The following TNRC6B variants were observed in gnomAD, a reference collection of about 807,000 sequenced individuals.
TNRC6B encodes the protein trinucleotide repeat-containing gene 6B protein.
In TNRC6B, 52 loss-of-function variants were observed where a neutral mutation model predicts 203.6. The ratio of observed to expected loss-of-function variants is 0.26; its 90% CI spans 0.20 to 0.32. The LOEUF (loss-of-function observed/expected upper bound fraction) is 0.32, where lower values mean the gene tolerates loss of function less well. Ranked by LOEUF, TNRC6B falls within the 10% of genes least tolerant of loss-of-function variation. The probability of loss-of-function intolerance (pLI) is 1.00; values close to 1 mark genes in which losing one functional copy is unlikely to be tolerated. For missense variants in TNRC6B, 1,923 were observed against 2,286.2 expected, an observed-to-expected ratio of 0.84 and a Z score of 3.24; for synonymous variants, 838 against 845.7, an observed-to-expected ratio of 0.99 and a Z score of 0.16.
intron 3 of TNRC6B, among the ~76,000 whole-genome samples, chr22:40,252,418 G>A (rs187904102): frequency 6.6e-6 from 1 of 152,214 alleles, no homozygotes; most frequent in East Asian, 1.9e-4. Context: ...TGTAATGATT[G>A]GTTTCTTCAT....
intron 1 of TNRC6B, among the ~76,000 whole-genome samples, chr22:40,206,935 A>G (rs1209873443): frequency 6.6e-6 from 1 of 152,176 alleles, no homozygotes; most frequent in Non-Finnish European, 1.5e-5. Context: ...ATGGCTTAAA[A>G]CATCGGACGT....
chr22:40,159,318 T>C (rs2068850882), intron 4 of TNRC6B, among the ~76,000 whole-genome samples: 1 of 147,746 alleles, frequency 6.8e-6, no homozygotes, highest in Admixed American at 6.8e-5. Flanking sequence ...CAGAAAACAT[T>C]CAAACAGCAA....
At chr22:40,082,922 C>T (rs567110539) in intron 1 of TNRC6B, among the ~76,000 whole-genome samples, 14 of 152,150 alleles carry the variant, frequency 9.2e-5, no homozygotes, top group African/African-American at 2.7e-4. Context: ...TATATTAAGT[C>T]CGAGATGCTT....
Position 40,270,278 on chromosome 22 carries a change from C to G in TNRC6B, c.2963C>G (p.Pro988Arg), listed in dbSNP as rs780721544. 1.4e-6 allele frequency: 2 copies of G among 1,413,712 alleles called. No individual in the cohort carries two copies. The highest frequency in any genetic ancestry group is 3.3e-5 in the Admixed American group (1 of 30,726). The allele number at this position is 1,413,712 out of a possible 1,614,324, so 87.6% of individuals were successfully genotyped here. A position where few individuals can be genotyped will look rare whatever the true frequency, so the allele number is the denominator to read the frequency against. Residue 988 changes from proline to arginine, a missense_variant and splice_region_variant, in exon 6 of 23, where the codon CCT becomes CGT. This residue lies in a region of TNRC6B where 599 missense variants were observed against 656.5 expected (regional missense o/e 0.91). Coordinates refer to ENST00000454349, the MANE Select transcript of TNRC6B (RefSeq NM_001162501.2). ...TPANAPNAMK[P>R]NSKSMQDGWG... ...GCCAACGCTCCCAATGCCATGAAGC[C>G]TAGTAAGTGTGAAGCTTTTCATTTT...
At position 40,215,219 on chromosome 22, in the gene TNRC6B, A is replaced by C. The variant is rs140778678; in HGVS notation, c.6-30796A>C. ...CACTGGTGTCCTAGATCCGATACAT[A>C]TGATTAGTGAGTCATTCAGCCATGT... On this transcript the variant is annotated intron_variant, in intron 1 of 22. Coordinates refer to ENST00000454349, the MANE Select transcript of TNRC6B (RefSeq NM_001162501.2). Among the ~76,000 whole-genome samples, 112 of 152,338 alleles carry C rather than the reference A, an allele frequency of 7.4e-4. 2 individuals carry two copies. Among genetic ancestry groups the C allele is most frequent in the Admixed American group, 2.7e-3 (42 of 15,304 alleles).
At chr22:40,079,316 C>G (rs75229445) in intron 1 of TNRC6B, among the ~76,000 whole-genome samples, 6,688 of 152,108 alleles carry the variant, frequency 0.044, 436 homozygotes, top group African/African-American at 0.14. Flanking sequence ...ACAGAGCTCT[C>G]CAGGTAGCCT....
At chr22:40,054,458 G>A (rs1358692592) in intron 1 of TNRC6B, among the ~76,000 whole-genome samples, 1 of 152,096 alleles carries the variant, frequency 6.6e-6, no homozygotes, top group Non-Finnish European at 1.5e-5. Flanking sequence ...AAGCCCGCAG[G>A]CCCAACCTTA....
Position 40,301,325 on chromosome 22 carries a change from A to G in TNRC6B, c.4112A>G (p.Tyr1371Cys). Residue 1371 changes from tyrosine to cysteine, a missense_variant, in exon 15 of 23, where the codon TAT becomes TGT. Tyr to Cys is a radical substitution (Grantham distance 194). Coordinates refer to ENST00000454349, the MANE Select transcript of TNRC6B (RefSeq NM_001162501.2). Reference protein sequence around the residue: ...DLQTKGPIPGYGSGFSSGGMD... With the variant: ...DLQTKGPIPGCGSGFSSGGMD... ...CAAACCAAAGGGCCAATACCTGGAT[A>G]TGGTTCTGGTAAGTTGTTGGTAGAG... 1 of 1,606,472 alleles carries G rather than the reference A, an allele frequency of 6.2e-7. No individual in the cohort carries two copies. Among genetic ancestry groups the G allele is most frequent in the Non-Finnish European group, 8.5e-7 (1 of 1,176,012 alleles).
chr22:40,124,998 G>A (rs1029963258), intron 2 of TNRC6B, among the ~76,000 whole-genome samples: 1 of 148,816 alleles, frequency 6.7e-6, no homozygotes, highest in Non-Finnish European at 1.5e-5. Flanking sequence ...GGGCGACACA[G>A]CAAGACTGTG....
chr22:40,310,747 C>CTTCT, intron 16 of TNRC6B, 70 bp from the exon 17 acceptor site: 15 of 1,445,598 alleles, frequency 1.0e-5, no homozygotes, highest in Non-Finnish European at 1.2e-5. Context: ...TGCATTCCAG[C>CTTCT]GAATAAAAAA....
intron 1 of TNRC6B, among the ~76,000 whole-genome samples, chr22:40,104,876 A>G (rs140926313): frequency 3.3e-5 from 5 of 152,328 alleles, no homozygotes; most frequent in Admixed American, 2.0e-4. Flanking sequence ...ACTTTGACCA[A>G]TCGCACACTA....
chr22:40,259,416 G>T (rs534026413), intron 3 of TNRC6B, among the ~76,000 whole-genome samples: 219 of 152,232 alleles, frequency 1.4e-3, no homozygotes, highest in Admixed American at 2.0e-3. Context: ...TAGAGACTAG[G>T]TTTCACAATG....
intron 1 of TNRC6B, among the ~76,000 whole-genome samples, chr22:40,081,356 C>T (rs2068062990): frequency 8.3e-6 from 1 of 120,562 alleles, no homozygotes; most frequent in Non-Finnish European, 1.6e-5. Flanking sequence ...GACTTCATTG[C>T]CTAGCAATTT....
chr22:40,187,790 A>G (rs1458324285), intron 1 of TNRC6B, among the ~76,000 whole-genome samples: 2 of 152,146 alleles, frequency 1.3e-5, no homozygotes, highest in African/African-American at 2.4e-5. Context: ...TTGAACGCAT[A>G]TTTACTAAAT....
intron 5 of TNRC6B, among the ~76,000 whole-genome samples, chr22:40,269,550 A>G (rs1340280297): frequency 6.6e-6 from 1 of 152,094 alleles, no homozygotes; most frequent in Non-Finnish European, 1.5e-5. Context: ...ATTGTTATAC[A>G]TGTAATTTCA....
chr22:40,122,921 C>T (rs1290133499), intron 2 of TNRC6B, among the ~76,000 whole-genome samples: 1 of 152,236 alleles, frequency 6.6e-6, no homozygotes, highest in South Asian at 2.1e-4. Context: ...CAAGGTCACA[C>T]ATCCGTAAGC....
At chr22:40,267,174 CCT>C in intron 5 of TNRC6B, 138 bp downstream of exon 5, 1 of 881,494 alleles carries the variant, frequency 1.1e-6, no homozygotes, top group African/African-American at 1.7e-5. Flanking sequence ...GCTAACAGAA[CCT>C]CTTTTTATGA....
At chr22:40,164,598 A>G (rs1344511046) in intron 4 of TNRC6B, among the ~76,000 whole-genome samples, 1 of 150,762 alleles carries the variant, frequency 6.6e-6, no homozygotes, top group African/African-American at 2.4e-5. Context: ...CCTGGTCTGT[A>G]CTACAAATAC....
rs1269632910 is a variant in TNRC6B, at chr22:40,163,429, A to G, written c.113+7247A>G. On this transcript the variant is annotated intron_variant, in intron 4 of 23. Transcript: ENST00000301923. ...AAAAAAAAAAAAAAAAAGTAATTTTAATAGATGACAGAATGAGACCCTGTC... is the reference window on the plus strand; with the variant it reads ...AAAAAAAAAAAAAAAAAGTAATTTTGATAGATGACAGAATGAGACCCTGTC... Among the ~76,000 whole-genome samples, 3 of 138,226 alleles carry G rather than the reference A, an allele frequency of 2.2e-5. No homozygotes were observed. In the East Asian group the frequency reaches 6.1e-4, roughly 28 times the overall value. 90.7% of individuals were successfully genotyped at this position (138,226 alleles called of 152,430 possible).
Sources: gnomAD v4.1 joint callset for allele counts (sites outside exome capture counted in the v4.1 genomes callset) on GRCh38, gnomAD v4.1.1 for gene constraint, gnomAD v4.1.1 regional missense constraint, MANE v1.5 for transcripts, NCBI Gene and HGNC (gene_info 2026-07-23, HGNC 2026-07-21) for gene names.